Variants in RASGEF1C observed in about 807,000 individuals in gnomAD.
The protein encoded by RASGEF1C is RasGEF domain family member 1C, also known as ras-GEF domain-containing family member 1C.
RASGEF1C carries 27 observed loss-of-function variants against 58.1 expected under a neutral mutation model. The observed-to-expected ratio is 0.46, with a 90% CI of 0.34 to 0.64. The LOEUF (loss-of-function observed/expected upper bound fraction) is 0.64. Ranked by LOEUF, RASGEF1C falls within the 30% of genes least tolerant of loss-of-function variation. The pLI is 0.01. For synonymous variants in RASGEF1C, 243 were observed against 246.3 expected (o/e 0.99, Z 0.13); for missense variants, 502 against 605.1 (o/e 0.83, Z 1.79).
chr5:180,195,628 G>T (rs1006444745), intron 1 of RASGEF1C, among the ~76,000 whole-genome samples: 1 of 152,084 alleles, frequency 6.6e-6, no homozygotes, highest in East Asian at 1.9e-4. Flanking sequence ...TGGGCGCGGT[G>T]GCGGGCGCCT....
chr5:180,152,419 T>C (rs1336193482), intron 1 of RASGEF1C, among the ~76,000 whole-genome samples: 3 of 151,844 alleles, frequency 2.0e-5, no homozygotes, highest in Non-Finnish European at 2.9e-5. Flanking sequence ...TGAAGGGACA[T>C]GGATGAAGCT....
chr5:180,117,908 C>T (rs1029298022), intron 10 of RASGEF1C, among the ~76,000 whole-genome samples: 4 of 149,714 alleles, frequency 2.7e-5, no homozygotes, highest in Non-Finnish European at 4.4e-5. Context: ...GCAGGAAAAT[C>T]GCTTGAACCC....
chr5:180,173,378 T>A (rs4700719), intron 1 of RASGEF1C, among the ~76,000 whole-genome samples: 48,670 of 151,978 alleles, frequency 0.32, 8,122 homozygotes, highest in East Asian at 0.55. Context: ...GACCAAAGCC[T>A]CTGTGGCTGC....
At chr5:180,116,674 C>T (rs1766073410) in intron 10 of RASGEF1C, among the ~76,000 whole-genome samples, 3 of 152,248 alleles carry the variant, frequency 2.0e-5, no homozygotes, top group Non-Finnish European at 4.4e-5. Flanking sequence ...TGCCCCACAG[C>T]CCCCGTGTCC....
At chr5:180,157,552 A>G (rs1267839445) in intron 1 of RASGEF1C, among the ~76,000 whole-genome samples, 1 of 151,492 alleles carries the variant, frequency 6.6e-6, no homozygotes, top group Non-Finnish European at 1.5e-5. Context: ...GCTTGAACCC[A>G]GGAGGCGGAG....
chr5:180,194,038 T>C lies in RASGEF1C; in HGVS notation c.-7+14990A>G, dbSNP rs545103894. 5.3e-5 allele frequency among the ~76,000 whole-genome samples: 8 copies of C among 151,244 alleles called. No individual in the cohort carries two copies. In the South Asian group the frequency reaches 1.5e-3, roughly 28 times the overall value. On this transcript the variant is annotated intron_variant, in intron 1 of 13. Coordinates refer to ENST00000361132, the MANE Select transcript of RASGEF1C (RefSeq NM_175062.4). ...TTTGTTTGTTTTCTGTATGAAAAGGTTGAAAAAAAAAAAAAGAGATTCTTT... is the reference window on the plus strand; with the variant it reads ...TTTGTTTGTTTTCTGTATGAAAAGGCTGAAAAAAAAAAAAAGAGATTCTTT...
chr5:180,101,641 A>G (rs1399193003), intron 13 of RASGEF1C, 116 bp from the exon 14 acceptor site: 1 of 1,304,972 alleles, frequency 7.7e-7, no homozygotes, highest in East Asian at 2.5e-5. Context: ...CTCCTGCCCC[A>G]GAGGGGTGTT....
intron 1 of RASGEF1C, among the ~76,000 whole-genome samples, chr5:180,152,326 A>T (rs1766765594): frequency 6.6e-6 from 1 of 152,152 alleles, no homozygotes; most frequent in South Asian, 2.1e-4. Flanking sequence ...ATGTCCAACA[A>T]TGATAGACTG....
chr5:180,142,836 G>T (rs1766602502), intron 1 of RASGEF1C, among the ~76,000 whole-genome samples: 1 of 152,148 alleles, frequency 6.6e-6, no homozygotes, highest in African/African-American at 2.4e-5. Context: ...ACTCATCAGA[G>T]GATGGCTCTG....
Position 180,120,995 on chromosome 5 carries a change from G to A in RASGEF1C, c.804+65C>T, listed in dbSNP as rs930280709. The A allele has an allele frequency of 2.6e-6, 3 of 1,147,106 alleles. No individual in the cohort carries two copies. The Admixed American group carries it at 5.1e-5, about 19-fold the overall frequency. The allele number at this position is 1,147,106 out of a possible 1,614,324, so 71.1% of individuals were successfully genotyped here. On this transcript the variant is annotated intron_variant, in intron 7 of 13. Coordinates refer to ENST00000361132, the MANE Select transcript of RASGEF1C (RefSeq NM_175062.4). Reference sequence around the variant, plus strand: ...TGTCCTTCCGGTTCCTTCCCCCGTGGGCTCCTCCCAACTCCGGCCGCCTGG... The same window carrying A: ...TGTCCTTCCGGTTCCTTCCCCCGTGAGCTCCTCCCAACTCCGGCCGCCTGG...
intron 12 of RASGEF1C, among the ~76,000 whole-genome samples, chr5:180,107,540 T>C (rs996343684): frequency 2.0e-5 from 3 of 152,210 alleles, no homozygotes; most frequent in African/African-American, 7.2e-5. Flanking sequence ...ATTCAGAGTG[T>C]TTTCCCCCTA....
chr5:180,128,184 TC>T, intron 5 of RASGEF1C, among the ~76,000 whole-genome samples: 1 of 151,510 alleles, frequency 6.6e-6, no homozygotes, highest in South Asian at 2.1e-4. Context: ...AGCAGGGAGG[TC>T]GCCATCAACC....
chr5:180,176,681 C>T (rs556120806), intron 1 of RASGEF1C, among the ~76,000 whole-genome samples: 5 of 152,086 alleles, frequency 3.3e-5, no homozygotes, highest in South Asian at 2.1e-4. Context: ...GTCAGCCTCC[C>T]GAGTAGCTGG....
chr5:180,155,229 G>C lies in RASGEF1C; in HGVS notation c.-6-17171C>G, dbSNP rs2113296089. Among the ~76,000 whole-genome samples the C allele has an allele frequency of 6.6e-6, 1 of 152,300 alleles. No individual in the cohort carries two copies. Among genetic ancestry groups the C allele is most frequent in the African/African-American group, 2.4e-5 (1 of 41,558 alleles). ...CTCATGTCTGGCTGCCCCGAGCAGT[G>C]GTAGCATCACGTCTAGGCTCTGAAA... is the stretch of plus-strand genomic sequence containing the variant. On this transcript the variant is annotated intron_variant, in intron 1 of 13. Coordinates refer to ENST00000361132, the MANE Select transcript of RASGEF1C (RefSeq NM_175062.4). The surrounding 1 kb of genome is among the most constrained non-coding windows in gnomAD (Gnocchi z 5.2).
At chr5:180,152,638 C>A (rs529190279) in intron 1 of RASGEF1C, among the ~76,000 whole-genome samples, 2 of 149,860 alleles carry the variant, frequency 1.3e-5, no homozygotes, top group Non-Finnish European at 3.0e-5. Flanking sequence ...GGGTGCAGCA[C>A]ACCAACATGG....
In RASGEF1C at chr5:180,209,157, G is replaced by GCC; in HGVS notation, c.-138_-137dup. 1 of 144,240 alleles carries GCC rather than the reference G, an allele frequency of 6.9e-6. No individual in the cohort carries two copies. The highest frequency in any genetic ancestry group is 2.5e-5 in the African/African-American group (1 of 40,000). The allele number at this position is 144,240 out of a possible 1,614,324, so 8.9% of individuals were successfully genotyped here. ...CCGCCGCCGCCGCCGCCGCCCGACCGCCCGGCTCCCAGCGCAGCCCGCACG... is the reference window on the plus strand; with the variant it reads ...CCGCCGCCGCCGCCGCCGCCCGACCGCCCCCGGCTCCCAGCGCAGCCCGCACG... On this transcript the variant is annotated 5_prime_UTR_variant, in exon 1 of 14. Coordinates refer to ENST00000361132, the MANE Select transcript of RASGEF1C (RefSeq NM_175062.4).
chr5:180,172,914 G>T (rs1276492055), intron 1 of RASGEF1C, among the ~76,000 whole-genome samples: 1 of 152,162 alleles, frequency 6.6e-6, no homozygotes. Flanking sequence ...ATCCTCTTCT[G>T]GGTTGCCCTT....
chr5:180,151,446 A>T (rs868861777), intron 1 of RASGEF1C, among the ~76,000 whole-genome samples: 11 of 152,292 alleles, frequency 7.2e-5, no homozygotes, highest in South Asian at 2.1e-4. Flanking sequence ...TTGACAAAGC[A>T]GACAAAAACA....
At chr5:180,200,101 A>G (rs1478995229) in intron 1 of RASGEF1C, among the ~76,000 whole-genome samples, 2 of 151,938 alleles carry the variant, frequency 1.3e-5, no homozygotes, top group South Asian at 2.1e-4. Flanking sequence ...CTCTACTAAA[A>G]ATACAAAAAT....
Sources: gnomAD v4.1 joint callset for allele counts (sites outside exome capture counted in the v4.1 genomes callset) on GRCh38, gnomAD v4.1.1 for gene constraint, Gnocchi (gnomAD v3.1) non-coding constraint, MANE v1.5 for transcripts, NCBI Gene and HGNC (gene_info 2026-07-23, HGNC 2026-07-21) for gene names.